SPATS2L: variants seen among roughly 807,000 people sequenced by gnomAD.
SPATS2L encodes the protein SPATS2-like protein.
SPATS2L carries 30 observed loss-of-function variants against 59.6 expected under a neutral mutation model. That is an observed-to-expected ratio of 0.50 (90% CI 0.38 to 0.68). The LOEUF is 0.68. Among genes scored for constraint, SPATS2L ranks in the 30% least tolerant of loss-of-function variants. The pLI, the probability that SPATS2L is intolerant of heterozygous loss-of-function variation, is 0.00. For synonymous variants in SPATS2L, 252 were observed against 263.5 expected (o/e 0.96, Z 0.42); for missense variants, 615 against 700.0 (o/e 0.88, Z 1.37).
chr2:200,399,985 G>A (rs2082473955), intron 3 of SPATS2L, among the ~76,000 whole-genome samples: 1 of 152,144 alleles, frequency 6.6e-6, no homozygotes, highest in African/African-American at 2.4e-5. Flanking sequence ...CAGGGAGAGT[G>A]AATGTCAATA....
At chr2:200,346,905 A>G (rs1452978851) in intron 2 of SPATS2L, among the ~76,000 whole-genome samples, 2 of 152,080 alleles carry the variant, frequency 1.3e-5, no homozygotes, top group African/African-American at 4.8e-5. Context: ...TCTAAGTTGA[A>G]TATGCAAAAT....
At chr2:200,463,918 T>G (rs2086412135) in intron 9 of SPATS2L, among the ~76,000 whole-genome samples, 1 of 152,264 alleles carries the variant, frequency 6.6e-6, no homozygotes, top group African/African-American at 2.4e-5. Flanking sequence ...TTGAGAAGCC[T>G]TCAGATTTTC....
chr2:200,432,825 G>A (rs1410610885), intron 6 of SPATS2L, among the ~76,000 whole-genome samples: 1 of 152,104 alleles, frequency 6.6e-6, no homozygotes, highest in Non-Finnish European at 1.5e-5. Flanking sequence ...CAGTTCAGAC[G>A]ATGAAGAAGA....
At chr2:200,346,395 A>G (rs1185094802) in intron 2 of SPATS2L, among the ~76,000 whole-genome samples, 1 of 152,116 alleles carries the variant, frequency 6.6e-6, no homozygotes, top group African/African-American at 2.4e-5. Flanking sequence ...GTTGTTTTCA[A>G]CCTTCCTCTC....
intron 2 of SPATS2L, among the ~76,000 whole-genome samples, chr2:200,332,716 G>T: frequency 6.9e-6 from 1 of 145,544 alleles, no homozygotes. Context: ...CCCAAAGAAT[G>T]AATTACTGGA....
At chr2:200,402,043 C>T (rs2082544870) in intron 3 of SPATS2L, among the ~76,000 whole-genome samples, 1 of 152,198 alleles carries the variant, frequency 6.6e-6, no homozygotes, top group African/African-American at 2.4e-5. Context: ...TTCATCTTCC[C>T]CATTCCCTGC....
intron 2 of SPATS2L, among the ~76,000 whole-genome samples, chr2:200,381,100 C>G (rs1185182239): frequency 6.6e-6 from 1 of 152,166 alleles, no homozygotes; most frequent in Non-Finnish European, 1.5e-5. Flanking sequence ...GGCAATTTAA[C>G]AGTTAGGCCA....
At chr2:200,428,812 A>G (rs1423050573) in intron 6 of SPATS2L, among the ~76,000 whole-genome samples, 3 of 151,904 alleles carry the variant, frequency 2.0e-5, no homozygotes, top group Non-Finnish European at 2.9e-5. Flanking sequence ...CTCACTCCCC[A>G]TTTCCAGTCT....
At chr2:200,435,450 T>C (rs893364768) in intron 6 of SPATS2L, among the ~76,000 whole-genome samples, 1 of 152,168 alleles carries the variant, frequency 6.6e-6, no homozygotes, top group East Asian at 1.9e-4. Context: ...ATACGGCTAC[T>C]GTGGAATCTA....
At chr2:200,309,108 A>G (rs1464069809) in intron 1 of SPATS2L, 5 of 717,734 alleles carry the variant, frequency 7.0e-6, no homozygotes, top group Non-Finnish European at 1.0e-5. Context: ...GTAAGCTTTT[A>G]CATCAGAAGT....
Position 200,472,953 on chromosome 2 carries a change from C to T in SPATS2L, c.1182C>T (p.His394=). The T allele has an allele frequency of 6.2e-7, 1 of 1,613,956 alleles. No individual in the cohort carries two copies. Residue 394 remains histidine, a synonymous_variant, in exon 12 of 13, where the codon CAC becomes CAT. Transcript: ENST00000409140. Reference sequence around the variant, plus strand: ...ACTTTTCCCGAAAATCATCCACTCACAATAAGCCCTCTGAAGGCAAAGCGG... The same window carrying T: ...ACTTTTCCCGAAAATCATCCACTCATAATAAGCCCTCTGAAGGCAAAGCGG... ...QSNFSRKSST[H]NKPSEGKAAN...
chr2:200,443,676 A>G (rs1044245686), intron 8 of SPATS2L, among the ~76,000 whole-genome samples: 1 of 152,210 alleles, frequency 6.6e-6, no homozygotes, highest in African/African-American at 2.4e-5. Context: ...CAGAAATTCT[A>G]AATATTCACT....
intron 2 of SPATS2L, among the ~76,000 whole-genome samples, chr2:200,330,426 T>G (rs963113788): frequency 6.6e-6 from 1 of 152,224 alleles, no homozygotes; most frequent in Non-Finnish European, 1.5e-5. Flanking sequence ...TTGTTTTCCA[T>G]GAATAGAATC....
chr2:200,449,799 A>G (rs916099619), intron 8 of SPATS2L, among the ~76,000 whole-genome samples: 25 of 152,234 alleles, frequency 1.6e-4, no homozygotes, highest in African/African-American at 5.1e-4. Context: ...TTACAATTTC[A>G]GAATGCATCT....
intron 2 of SPATS2L, among the ~76,000 whole-genome samples, chr2:200,379,618 C>A (rs1397143582): frequency 6.6e-6 from 1 of 152,004 alleles, no homozygotes; most frequent in Non-Finnish European, 1.5e-5. Flanking sequence ...ACTTGGGGCT[C>A]TGGAGTATAA....
intron 2 of SPATS2L, among the ~76,000 whole-genome samples, chr2:200,343,778 G>A (rs1293921061): frequency 6.6e-6 from 1 of 152,032 alleles, no homozygotes; most frequent in South Asian, 2.1e-4. Flanking sequence ...TTGTAGATAA[G>A]TATTGATAAT....
intron 1 of SPATS2L, among the ~76,000 whole-genome samples, chr2:200,317,673 G>C (rs2079425035): frequency 6.6e-6 from 1 of 152,152 alleles, no homozygotes; most frequent in Non-Finnish European, 1.5e-5. Context: ...TGAGATTATA[G>C]GTACAGCATG....
At chr2:200,335,286 G>A (rs1482463316) in intron 2 of SPATS2L, among the ~76,000 whole-genome samples, 1 of 152,070 alleles carries the variant, frequency 6.6e-6, no homozygotes, top group South Asian at 2.1e-4. Flanking sequence ...CCTGAGGCGG[G>A]AGAATGGTGT....
chr2:200,343,488 CT>C (rs1358120745), intron 2 of SPATS2L, among the ~76,000 whole-genome samples: 1 of 152,132 alleles, frequency 6.6e-6, no homozygotes, highest in South Asian at 2.1e-4. Flanking sequence ...AGGCAAGTAA[CT>C]CAAGTAAATT....
Sources: allele counts gnomAD v4.1 joint callset (sites outside exome capture counted in the v4.1 genomes callset), GRCh38; gene constraint gnomAD v4.1.1; transcripts MANE v1.5; gene names NCBI Gene and HGNC (gene_info 2026-07-23, HGNC 2026-07-21).